Variants in LRRC4C observed in about 807,000 individuals in gnomAD.
LRRC4C encodes the protein leucine-rich repeat-containing protein 4C.
A neutral mutation model predicts 33.6 loss-of-function variants in LRRC4C; 5 were observed. That is an observed-to-expected ratio of 0.15 (90% confidence interval 0.08 to 0.31). The LOEUF (loss-of-function observed/expected upper bound fraction) is 0.31, where lower values mean the gene tolerates loss of function less well. LRRC4C is among the 10% of genes least tolerant of loss of function. The pLI, the probability that LRRC4C is intolerant of heterozygous loss-of-function variation, is 1.00. For synonymous variants in LRRC4C, 329 were observed against 302.0 expected, an observed-to-expected ratio of 1.09 and a Z score of -0.93; for missense variants, 560 against 796.7, an observed-to-expected ratio of 0.70 and a Z score of 3.58.
At chr11:40,601,082 C>A (rs924654399) in intron 3 of LRRC4C, among the ~76,000 whole-genome samples, 1 of 152,046 alleles carries the variant, frequency 6.6e-6, no homozygotes, top group Non-Finnish European at 1.5e-5. Flanking sequence ...ACTCATTAAA[C>A]CCTTCATTTT....
intron 2 of LRRC4C, among the ~76,000 whole-genome samples, chr11:40,768,357 T>C (rs977874742): frequency 1.3e-5 from 2 of 152,072 alleles, no homozygotes; most frequent in Non-Finnish European, 2.9e-5. Flanking sequence ...TGGGACCTGG[T>C]GGTTTCACTG....
chr11:41,056,667 G>A (rs559653594), intron 1 of LRRC4C, among the ~76,000 whole-genome samples: 16 of 152,232 alleles, frequency 1.1e-4, no homozygotes, highest in African/African-American at 3.4e-4. Flanking sequence ...AAAAATGCTC[G>A]ATACCACTAA....
intron 5 of LRRC4C, among the ~76,000 whole-genome samples, chr11:40,187,527 T>C (rs1252229570): frequency 6.6e-6 from 1 of 151,942 alleles, no homozygotes; most frequent in Non-Finnish European, 1.5e-5. Flanking sequence ...TGATCTTCTC[T>C]TGAAAAGGAG....
At chr11:40,826,678 T>G (rs1270799956) in intron 2 of LRRC4C, among the ~76,000 whole-genome samples, 4 of 151,984 alleles carry the variant, frequency 2.6e-5, no homozygotes, top group South Asian at 4.1e-4. Flanking sequence ...TAATCTAGCC[T>G]TGATACTAAT....
intron 3 of LRRC4C, among the ~76,000 whole-genome samples, chr11:40,372,689 G>A (rs1948501554): frequency 6.6e-6 from 1 of 152,132 alleles, no homozygotes; most frequent in African/African-American, 2.4e-5. Flanking sequence ...AGGAATTTTG[G>A]GTTGTCTTCC....
rs1238689245 is a variant in LRRC4C at position 40,820,074 on chromosome 11, AT to A, written c.-407+113560del. ...ATCTAGCATTGCTGTAGCACATTCT[AT>A]AAAATGTCTGATTTTCAACAAAAAG... On this transcript the variant is annotated intron_variant, in intron 2 of 6. Transcript: ENST00000528697. 9.2e-5 allele frequency among the ~76,000 whole-genome samples: 14 copies of A among 152,206 alleles called. No individual in the cohort carries two copies. The South Asian group carries it at 2.9e-3, about 32-fold the overall frequency.
At chr11:40,477,903 C>G (rs999636075) in intron 3 of LRRC4C, among the ~76,000 whole-genome samples, 1 of 151,900 alleles carries the variant, frequency 6.6e-6, no homozygotes, top group African/African-American at 2.4e-5. Flanking sequence ...TGAGAGATAA[C>G]TGAATCATGG....
intron 3 of LRRC4C, among the ~76,000 whole-genome samples, chr11:40,531,684 G>C (rs1047672517): frequency 2.0e-4 from 30 of 151,890 alleles, no homozygotes; most frequent in African/African-American, 7.3e-4. Context: ...TCAAGATTGC[G>C]TTTGAACTCT....
intron 2 of LRRC4C, among the ~76,000 whole-genome samples, chr11:40,791,149 A>C (rs1950607916): frequency 6.6e-6 from 1 of 152,178 alleles, no homozygotes; most frequent in Non-Finnish European, 1.5e-5. Flanking sequence ...GAATTTGCTC[A>C]TTCCTTGCTC....
At chr11:40,331,217 T>G (rs932844319) in intron 3 of LRRC4C, among the ~76,000 whole-genome samples, 1 of 152,176 alleles carries the variant, frequency 6.6e-6, no homozygotes, top group Non-Finnish European at 1.5e-5. Flanking sequence ...GAAAACAGTA[T>G]GGAGGTTTCT....
chr11:40,565,164 A>G (rs1358005033), intron 3 of LRRC4C, among the ~76,000 whole-genome samples: 6 of 152,176 alleles, frequency 3.9e-5, no homozygotes, highest in African/African-American at 1.4e-4. Flanking sequence ...TCCTTCTTCA[A>G]TGTTTCCTCT....
chr11:41,403,813 T>C (rs1404265559), intron 1 of LRRC4C, among the ~76,000 whole-genome samples: 2 of 152,102 alleles, frequency 1.3e-5, no homozygotes, highest in Non-Finnish European at 1.5e-5. Context: ...TTTACCCTCT[T>C]CATCATGTGC....
At chr11:41,333,671 T>C (rs1274460200) in intron 1 of LRRC4C, among the ~76,000 whole-genome samples, 2 of 152,158 alleles carry the variant, frequency 1.3e-5, no homozygotes, top group East Asian at 3.9e-4. Context: ...TGGCCTTTTA[T>C]TCAGTGATAT....
intron 5 of LRRC4C, among the ~76,000 whole-genome samples, chr11:40,168,000 C>T (rs187854156): frequency 1.7e-4 from 26 of 152,144 alleles, no homozygotes; most frequent in East Asian, 1.4e-3. Flanking sequence ...GCCTAGATGG[C>T]GCCACTGCAC....
chr11:40,933,240 G>A (rs1957712100), intron 2 of LRRC4C, among the ~76,000 whole-genome samples: 2 of 152,206 alleles, frequency 1.3e-5, no homozygotes, highest in African/African-American at 2.4e-5. Context: ...TAGAAGCAGA[G>A]CAGTTACAAG....
At chr11:40,646,319 C>A (rs1942454009) in intron 3 of LRRC4C, among the ~76,000 whole-genome samples, 1 of 152,118 alleles carries the variant, frequency 6.6e-6, no homozygotes, top group Admixed American at 6.5e-5. Flanking sequence ...AGTAGAGTTG[C>A]AAAAAGTTTA....
At chr11:41,065,952 G>T (rs1239646585) in intron 1 of LRRC4C, among the ~76,000 whole-genome samples, 1 of 152,176 alleles carries the variant, frequency 6.6e-6, no homozygotes, top group African/African-American at 2.4e-5. Context: ...CCACAAAGAT[G>T]AGGAAAAAAC....
chr11:40,776,598 G>C (rs1334630735), intron 2 of LRRC4C, among the ~76,000 whole-genome samples: 1 of 151,876 alleles, frequency 6.6e-6, no homozygotes, highest in African/African-American at 2.4e-5. Flanking sequence ...ATTTCTGATT[G>C]TGCTTATTTG....
At chr11:41,366,411 C>T (rs1952546937) in intron 1 of LRRC4C, among the ~76,000 whole-genome samples, 1 of 152,000 alleles carries the variant, frequency 6.6e-6, no homozygotes, top group South Asian at 2.1e-4. Flanking sequence ...AAAGCAAAGA[C>T]AACATTTTTT....
Sources: allele counts gnomAD v4.1 joint callset (sites outside exome capture counted in the v4.1 genomes callset), GRCh38; gene constraint gnomAD v4.1.1; transcripts MANE v1.5; gene names NCBI Gene and HGNC (gene_info 2026-07-23, HGNC 2026-07-21).